The following RTN1 variants were observed in gnomAD, a reference collection of about 807,000 sequenced individuals.
The protein encoded by RTN1 is reticulon-1.
A neutral mutation model predicts 65.5 loss-of-function variants in RTN1; 25 were observed. The observed-to-expected ratio is 0.38, with a 90% CI of 0.28 to 0.53. The LOEUF (loss-of-function observed/expected upper bound fraction) is 0.53, where lower values mean the gene tolerates loss of function less well. Among genes scored for constraint, RTN1 ranks in the 20% least tolerant of loss-of-function variants. The pLI, the probability that RTN1 is intolerant of heterozygous loss-of-function variation, is 0.79. For synonymous variants in RTN1, 471 were observed against 447.6 expected (o/e 1.05, Z -0.66); for missense variants, 983 against 1,025.4 (o/e 0.96, Z 0.57).
intron 3 of RTN1, among the ~76,000 whole-genome samples, chr14:59,715,898 T>A (rs913752266): frequency 6.6e-6 from 1 of 152,134 alleles, no homozygotes; most frequent in Non-Finnish European, 1.5e-5. Flanking sequence ...ACAATTAGAC[T>A]ATTTTACTTA....
In RTN1 at chr14:59,630,677, G is replaced by A. The variant is rs1049253084; in HGVS notation, c.1766-23185C>T. 5.0e-6 allele frequency: 6 copies of A among 1,189,092 alleles called. No homozygotes were observed. The African/African-American group carries it at 9.6e-5, about 19-fold the overall frequency. 73.7% of individuals were successfully genotyped at this position (1,189,092 alleles called of 1,614,324 possible). A position where few individuals can be genotyped will look rare whatever the true frequency, so the allele number is the denominator to read the frequency against. On this transcript the variant is annotated intron_variant, in intron 3 of 8. Transcript: ENST00000267484. ...GGGCGGGAGCGTCGCTGGCGCCGCA[G>A]TCTGCGCGGCCGGCAGCGAATCAGC...
chr14:59,771,120 G>A (rs1885949639), intron 1 of RTN1, among the ~76,000 whole-genome samples: 1 of 151,918 alleles, frequency 6.6e-6, no homozygotes, highest in Non-Finnish European at 1.5e-5. Flanking sequence ...AACATGATCT[G>A]TATTTTGAAC....
rs907704316 is a variant in RTN1, at chr14:59,825,588, C to G, written c.241+44802G>C. Among the ~76,000 whole-genome samples, 1 of 152,234 alleles carries G rather than the reference C, an allele frequency of 6.6e-6. No homozygotes were observed. Among genetic ancestry groups the G allele is most frequent in the Non-Finnish European group, 1.5e-5 (1 of 68,042 alleles). ...TTTCTGGACTTCCAGCTGGCCACAG[C>G]AGGGCCTTCTCCCAGAAGCACCCCT... On this transcript the variant is annotated intron_variant, in intron 1 of 8. Transcript: ENST00000267484. This position sits in a 1 kb window ranked among gnomAD's most constrained non-coding sequence, Gnocchi z 4.2.
chr14:59,671,557 G>T (rs1457185452), intron 3 of RTN1, among the ~76,000 whole-genome samples: 1 of 152,160 alleles, frequency 6.6e-6, no homozygotes, highest in East Asian at 1.9e-4. Context: ...TTACAAGGAA[G>T]GGCTGCTAAT....
intron 4 of RTN1, 100 bp from the exon 5 acceptor site, chr14:59,605,606 G>C: frequency 7.6e-7 from 1 of 1,311,948 alleles, no homozygotes. Flanking sequence ...CTCACTCTGA[G>C]GGTGAGAGCA....
At chr14:59,678,783 G>T (rs555938960) in intron 3 of RTN1, among the ~76,000 whole-genome samples, 40 of 152,292 alleles carry the variant, frequency 2.6e-4, no homozygotes, top group African/African-American at 8.2e-4. Flanking sequence ...TTCTCAAAGC[G>T]TGACCACAGA....
intron 3 of RTN1, among the ~76,000 whole-genome samples, chr14:59,700,297 A>G (rs56064188): frequency 0.02 from 3,052 of 152,276 alleles, 94 homozygotes; most frequent in African/African-American, 0.067. Context: ...TTAAGATGGC[A>G]GTACTCCTCA....
chr14:59,704,328 C>T (rs1884242976), intron 3 of RTN1, among the ~76,000 whole-genome samples: 1 of 152,164 alleles, frequency 6.6e-6, no homozygotes, highest in Non-Finnish European at 1.5e-5. Context: ...GAAGATTATG[C>T]AACATTGCTC....
At chr14:59,792,099 T>C (rs1886358997) in intron 1 of RTN1, among the ~76,000 whole-genome samples, 1 of 152,168 alleles carries the variant, frequency 6.6e-6, no homozygotes, top group South Asian at 2.1e-4. Context: ...GGCTGCTACA[T>C]AGCATGGGGC....
At chr14:59,830,151 C>A (rs983560000) in intron 1 of RTN1, among the ~76,000 whole-genome samples, 2 of 152,200 alleles carry the variant, frequency 1.3e-5, no homozygotes, top group Admixed American at 6.5e-5. Flanking sequence ...CCTGCTGTTA[C>A]AATTCCTTCC....
At chr14:59,669,987 T>C (rs1343720478) in intron 3 of RTN1, among the ~76,000 whole-genome samples, 1 of 152,222 alleles carries the variant, frequency 6.6e-6, no homozygotes, top group Non-Finnish European at 1.5e-5. Context: ...CATTTTCCAA[T>C]ATTTTATTTG....
chr14:59,759,951 A>G (rs1468890508), intron 1 of RTN1, among the ~76,000 whole-genome samples: 2 of 152,206 alleles, frequency 1.3e-5, no homozygotes, highest in African/African-American at 4.8e-5. Flanking sequence ...GCAATTTGGG[A>G]ATTCCTATCC....
At chr14:59,655,529 A>C (rs1883105151) in intron 3 of RTN1, among the ~76,000 whole-genome samples, 1 of 152,194 alleles carries the variant, frequency 6.6e-6, no homozygotes, top group African/African-American at 2.4e-5. Flanking sequence ...ATCTTGAAAA[A>C]GGACAAAGTT....
At chr14:59,779,753 T>C (rs1207664067) in intron 1 of RTN1, among the ~76,000 whole-genome samples, 1 of 152,150 alleles carries the variant, frequency 6.6e-6, no homozygotes, top group Non-Finnish European at 1.5e-5. Context: ...ACTGCTTCCC[T>C]GGTCCTGGCC....
chr14:59,662,610 T>G (rs1266967884), intron 3 of RTN1, among the ~76,000 whole-genome samples: 1 of 152,100 alleles, frequency 6.6e-6, no homozygotes, highest in Non-Finnish European at 1.5e-5. Flanking sequence ...CAAGCATTCT[T>G]ATATGCCAAT....
chr14:59,614,917 T>G (rs1398809213), intron 3 of RTN1, among the ~76,000 whole-genome samples: 1 of 152,200 alleles, frequency 6.6e-6, no homozygotes, highest in African/African-American at 2.4e-5. Flanking sequence ...ATACAAGGTA[T>G]GTAGGGAATG....
intron 1 of RTN1, among the ~76,000 whole-genome samples, chr14:59,768,234 T>C (rs533547940): frequency 6.6e-6 from 1 of 152,362 alleles, no homozygotes; most frequent in Admixed American, 6.5e-5. Context: ...AAGAGTTCAA[T>C]ACATTTTATT....
chr14:59,630,938 T>C (rs1225356256), intron 3 of RTN1: 1 of 666,384 alleles, frequency 1.5e-6, no homozygotes, highest in African/African-American at 2.0e-5. Context: ...TCCCAGAATA[T>C]GCGAGGTGCA....
intron 1 of RTN1, among the ~76,000 whole-genome samples, chr14:59,769,665 T>C (rs1002120454): frequency 2.6e-5 from 4 of 152,214 alleles, no homozygotes; most frequent in Non-Finnish European, 5.9e-5. Flanking sequence ...TAAAAAGGGT[T>C]ATTTCTCTTT....
Sources: gnomAD v4.1 joint callset for allele counts (sites outside exome capture counted in the v4.1 genomes callset) on GRCh38, gnomAD v4.1.1 for gene constraint, Gnocchi (gnomAD v3.1) non-coding constraint, MANE v1.5 for transcripts, NCBI Gene and HGNC (gene_info 2026-07-23, HGNC 2026-07-21) for gene names.